The following PPIL2 variants were observed in gnomAD, a reference collection of about 807,000 sequenced individuals.
PPIL2 encodes the protein RING-type E3 ubiquitin-protein ligase PPIL2.
A neutral mutation model predicts 75.2 loss-of-function variants in PPIL2; 50 were observed. The ratio of observed to expected loss-of-function variants is 0.66; its 90% CI spans 0.53 to 0.84. The LOEUF is 0.84. Ranked by LOEUF, PPIL2 falls within the 40% of genes least tolerant of loss-of-function variation. PPIL2 has a pLI of 0.00. For missense variants in PPIL2, 590 were observed against 685.0 expected (o/e 0.86, Z 1.55); for synonymous variants, 245 against 258.8 (o/e 0.95, Z 0.51).
At chr22:21,685,614 C>CTTT in intron 10 of PPIL2, 3 of 417,504 alleles carry the variant, frequency 7.2e-6, no homozygotes, top group Non-Finnish European at 1.4e-5. Flanking sequence ...TGATATATTA[C>CTTT]TTTTTTTTTT....
chr22:21,693,130 C>T (rs1012711674), intron 15 of PPIL2, among the ~76,000 whole-genome samples: 2 of 152,042 alleles, frequency 1.3e-5, no homozygotes, highest in African/African-American at 4.8e-5. Context: ...TTACTGCAAC[C>T]TCTGCCTCCC....
chr22:21,675,903 C>T (rs1016260616), intron 6 of PPIL2, among the ~76,000 whole-genome samples: 14 of 152,230 alleles, frequency 9.2e-5, no homozygotes, highest in East Asian at 1.9e-4. Context: ...ACACACCTTC[C>T]GCTGTTCTTG....
chr22:21,686,753 G>A, intron 11 of PPIL2, 139 bp from the exon 12 acceptor site: 2 of 1,043,102 alleles, frequency 1.9e-6, no homozygotes, highest in Middle Eastern at 3.0e-4. Context: ...GGCCTAAGCA[G>A]ACCCTCGGCC....
intron 6 of PPIL2, among the ~76,000 whole-genome samples, chr22:21,680,290 G>A (rs1208596787): frequency 6.6e-6 from 1 of 152,164 alleles, no homozygotes; most frequent in Non-Finnish European, 1.5e-5. Flanking sequence ...ACTTTGAGAG[G>A]CTGAGGCAGG....
chr22:21,670,231 A>T, intron 2 of PPIL2: 2 of 1,122,426 alleles, frequency 1.8e-6, no homozygotes, highest in Non-Finnish European at 2.5e-6. Flanking sequence ...ATACAAAATT[A>T]CATGTACATT....
Position 21,696,188 on chromosome 22 carries a change from C to A in PPIL2, c.*698C>A. On this transcript the variant is annotated 3_prime_UTR_variant, in exon 20 of 20. Coordinates refer to ENST00000398831, the MANE Select transcript of PPIL2 (RefSeq NM_014337.4). ...GGGGCTTCTGAAGGCTGGTGTTGGA[C>A]GGCAGCATTGAGTTTCCTGCCGTGC... 1 of 1,001,876 alleles carries A rather than the reference C, an allele frequency of 1.0e-6. No individual in the cohort carries two copies. The highest frequency in any genetic ancestry group is 1.2e-6 in the Non-Finnish European group (1 of 839,058). The allele number at this position is 1,001,876 out of a possible 1,614,324, so 62.1% of individuals were successfully genotyped here. A position where few individuals can be genotyped will look rare whatever the true frequency, so the allele number is the denominator to read the frequency against.
intron 14 of PPIL2, 51 bp downstream of exon 14, chr22:21,688,157 G>T (rs762062421): frequency 6.2e-7 from 1 of 1,609,404 alleles, no homozygotes; most frequent in Non-Finnish European, 8.5e-7. Context: ...GCTCCGTGGG[G>T]CATGAGGGGG....
At position 21,695,716 on chromosome 22, in the gene PPIL2, C is replaced by T; in HGVS notation, c.*226C>T. On this transcript the variant is annotated 3_prime_UTR_variant, in exon 20 of 20. Transcript: ENST00000398831. ...TCCAGGACCTGGCCCAGCCAGAGCC[C>T]ACTGCTGGGACCTTCAAGCACAAGG... 7.4e-7 allele frequency: 1 copy of T among 1,358,834 alleles called. No individual in the cohort carries two copies. The highest frequency in any genetic ancestry group is 1.5e-5 in the South Asian group (1 of 66,212). The allele number at this position is 1,358,834 out of a possible 1,614,324, so 84.2% of individuals were successfully genotyped here. A position where few individuals can be genotyped will look rare whatever the true frequency, so the allele number is the denominator to read the frequency against.
rs748758994 is a variant in PPIL2 at position 21,684,805 on chromosome 22, C to T, written c.606C>T (p.Ala202=). The T allele has an allele frequency of 6.2e-6, 10 of 1,613,990 alleles. No individual in the cohort carries two copies. Among genetic ancestry groups the T allele is most frequent in the South Asian group, 2.2e-5 (2 of 91,088 alleles). ...CTTATTATCTGAAAAATACAAATGC[C>T]GAGACCCGAGAGACCCTGCAGGAGC... ...DPSYYLKNTN[A]ETRETLQELY... Residue 202 remains alanine, a synonymous_variant, in exon 10 of 20, where the codon GCC becomes GCT. Coordinates refer to ENST00000398831, the MANE Select transcript of PPIL2 (RefSeq NM_014337.4).
chr22:21,684,454 C>CAAAA (rs1028354500), intron 9 of PPIL2, among the ~76,000 whole-genome samples: 209 of 47,102 alleles, frequency 4.4e-3, no homozygotes, highest in African/African-American at 5.6e-3. Context: ...TCCATCTCCA[C>CAAAA]AAAAAAAAAA....
intron 15 of PPIL2, among the ~76,000 whole-genome samples, chr22:21,692,336 A>G (rs539914321): frequency 6.6e-6 from 1 of 151,396 alleles, no homozygotes; most frequent in East Asian, 2.0e-4. Context: ...TTGTATTTTT[A>G]GTAGAGATGG....
At chr22:21,690,752 T>C (rs1461003480) in intron 15 of PPIL2, among the ~76,000 whole-genome samples, 1 of 152,224 alleles carries the variant, frequency 6.6e-6, no homozygotes, top group East Asian at 1.9e-4. Context: ...CCCTCTTCAC[T>C]GCTTGCTGGT....
chr22:21,680,541 A>G (rs561914618), intron 6 of PPIL2, among the ~76,000 whole-genome samples: 1 of 148,424 alleles, frequency 6.7e-6, no homozygotes, highest in African/African-American at 2.5e-5. Flanking sequence ...AAAACAGAGT[A>G]AAACAAGGCC....
chr22:21,691,953 T>C lies in PPIL2; in HGVS notation c.1140-1863T>C, dbSNP rs147580017. On this transcript the variant is annotated intron_variant, in intron 15 of 19. Transcript: ENST00000398831. ...GCTGGGGGGTGCATGTTTGATGCAG[T>C]GGAGGTTAAGTCCTGTGTCTCACCA... Among the ~76,000 whole-genome samples the C allele has an allele frequency of 4.9e-3, 752 of 152,222 alleles. 4 individuals carry two copies. The highest frequency in any genetic ancestry group is 0.017 in the African/African-American group (694 of 41,556).
intron 3 of PPIL2, 63 bp downstream of exon 3, chr22:21,670,674 T>C: frequency 6.6e-6 from 10 of 1,512,680 alleles, no homozygotes; most frequent in South Asian, 1.1e-5. Flanking sequence ...TGATAGTGAA[T>C]CTGCCCCTTG....
At position 21,671,017 on chromosome 22, in the gene PPIL2, T is replaced by A. The variant is rs770915233; in HGVS notation, c.149T>A (p.Val50Asp). ...TTCAGTCTCTCTCTGCAGCCCTTTG[T>A]CTACCCAGTCTGCACTCCCGATGGC... ...DHCSLSLQPF[V>D]YPVCTPDGIV... The change falls in exon 4 of 20, where the codon GTC becomes GAC. Residue 50 changes from valine to aspartate, a missense_variant. Physicochemically the swap from Val to Asp is radical, Grantham distance 152. Transcript: ENST00000398831. 6.2e-7 allele frequency: 1 copy of A among 1,613,320 alleles called. No homozygotes were observed. Among genetic ancestry groups the A allele is most frequent in the South Asian group, 1.1e-5 (1 of 91,056 alleles).
chr22:21,670,971 C>T lies in PPIL2; in HGVS notation c.129-26C>T, dbSNP rs780220747. Reference sequence around the variant, plus strand: ...ATCCTGACCAGGGTGCGTGGCAACTCACCAGGAATGACTGTCCTTTTTCAG... The same window carrying T: ...ATCCTGACCAGGGTGCGTGGCAACTTACCAGGAATGACTGTCCTTTTTCAG... On this transcript the variant is annotated intron_variant, in intron 3 of 19. Transcript: ENST00000398831. The T allele has an allele frequency of 3.8e-6, 6 of 1,597,780 alleles. No homozygotes were observed. The South Asian group carries it at 5.5e-5, about 15-fold the overall frequency.
chr22:21,682,239 C>A (rs1325494060), intron 7 of PPIL2, among the ~76,000 whole-genome samples, 198 bp from the exon 8 acceptor site: 1 of 152,176 alleles, frequency 6.6e-6, no homozygotes, highest in African/African-American at 2.4e-5. Context: ...TGAACTGGCT[C>A]ATCGTCTGAG....
At chr22:21,685,305 G>A (rs1374344737) in intron 10 of PPIL2, among the ~76,000 whole-genome samples, 3 of 152,304 alleles carry the variant, frequency 2.0e-5, no homozygotes, top group South Asian at 2.1e-4. Context: ...GGCAGGGCCC[G>A]ATGTGCACTG....
Sources: allele counts gnomAD v4.1 joint callset (sites outside exome capture counted in the v4.1 genomes callset), GRCh38; gene constraint gnomAD v4.1.1; transcripts MANE v1.5; gene names NCBI Gene and HGNC (gene_info 2026-07-23, HGNC 2026-07-21).